HTR3B: variants seen among roughly 807,000 people sequenced by gnomAD.
HTR3B encodes the protein 5-hydroxytryptamine receptor 3B.
HTR3B carries 44 observed loss-of-function variants against 42.8 expected under a neutral mutation model. That is an observed-to-expected ratio of 1.03 (90% CI 0.81 to 1.32). HTR3B has a LOEUF of 1.32. Ranked by LOEUF, HTR3B falls within the 40% of genes most tolerant of loss-of-function variation. The pLI, the probability that HTR3B is intolerant of heterozygous loss-of-function variation, is 0.00. For synonymous variants in HTR3B, 203 were observed against 209.0 expected (o/e 0.97, Z 0.25); for missense variants, 527 against 536.5 (o/e 0.98, Z 0.17).
At chr11:113,908,559 C>T (rs975282304) in intron 1 of HTR3B, among the ~76,000 whole-genome samples, 1 of 152,186 alleles carries the variant, frequency 6.6e-6, no homozygotes, top group Admixed American at 6.5e-5. Flanking sequence ...TTTGTCACTT[C>T]CAATTGCTGG....
At chr11:113,937,185 C>T (rs774997109) in intron 6 of HTR3B, among the ~76,000 whole-genome samples, 2 of 152,182 alleles carry the variant, frequency 1.3e-5, no homozygotes, top group Non-Finnish European at 2.9e-5. Context: ...TCTCACTGAG[C>T]AGGTGACATG....
chr11:113,947,141 G>A lies in HTR3B; in HGVS notation c.*1004G>A, dbSNP rs1950187010. ...TTTTTTTGAGGCAGAGTCTTGCTCTGTCACCAGATTGGAGTGCAGTGGTGC... is the reference window on the plus strand; with the variant it reads ...TTTTTTTGAGGCAGAGTCTTGCTCTATCACCAGATTGGAGTGCAGTGGTGC... On this transcript the variant is annotated 3_prime_UTR_variant, in exon 9 of 9. Coordinates refer to ENST00000260191, the MANE Select transcript of HTR3B (RefSeq NM_006028.5). Among the ~76,000 whole-genome samples the A allele has an allele frequency of 6.7e-6, 1 of 149,974 alleles. No individual in the cohort carries two copies. The highest frequency in any genetic ancestry group is 2.5e-5 in the African/African-American group (1 of 40,638).
In HTR3B at chr11:113,946,079, T is replaced by A; in HGVS notation, c.1268T>A (p.Met423Lys). 1 of 1,575,324 alleles carries A rather than the reference T, an allele frequency of 6.3e-7. No individual in the cohort carries two copies. Among genetic ancestry groups the A allele is most frequent in the East Asian group, 2.3e-5 (1 of 43,672 alleles). The stretch of plus-strand genomic sequence containing the variant: ...CTGCTCTTCCAAAGCTACCTTTTCA[T>A]GCTGGGGATCTACACCATCACTCTG... ...DRLLFQSYLF[M>K]LGIYTITLCS... The change falls in exon 9 of 9, where the codon ATG becomes AAG. Residue 423 changes from methionine to lysine, a missense_variant. Transcript: ENST00000260191.
At chr11:113,942,800 A>AT (rs1000676391) in intron 6 of HTR3B, among the ~76,000 whole-genome samples, 182 bp from the exon 7 acceptor site, 120 of 152,212 alleles carry the variant, frequency 7.9e-4, no homozygotes, top group Admixed American at 4.2e-3. Context: ...AACTTAAAGG[A>AT]TTTTTTTCTC....
rs1196643325 is a variant in HTR3B at position 113,948,219 on chromosome 11, T to TTAGG, written c.*2083_*2086dup. Among the ~76,000 whole-genome samples the TTAGG allele has an allele frequency of 6.6e-6, 1 of 152,212 alleles. No homozygotes were observed. Among genetic ancestry groups the TTAGG allele is most frequent in the Non-Finnish European group, 1.5e-5 (1 of 68,048 alleles). On this transcript the variant is annotated 3_prime_UTR_variant, in exon 9 of 9. Coordinates refer to ENST00000260191, the MANE Select transcript of HTR3B (RefSeq NM_006028.5). ...GCCTCCTCTGCTTTGACGTGCTCAG[T>TTAGG]TAGGCATCACGGTCCTGATGTCACC...
chr11:113,925,846 CA>C (rs1257634541), intron 2 of HTR3B, among the ~76,000 whole-genome samples: 1 of 152,098 alleles, frequency 6.6e-6, no homozygotes, highest in African/African-American at 2.4e-5. Flanking sequence ...TTTATTAATA[CA>C]TTTTTTTAAA....
At chr11:113,939,263 A>G (rs1467809336) in intron 6 of HTR3B, among the ~76,000 whole-genome samples, 1 of 152,160 alleles carries the variant, frequency 6.6e-6, no homozygotes, top group Non-Finnish European at 1.5e-5. Context: ...CCTTGTCCCT[A>G]TGTCTTTTCC....
intron 2 of HTR3B, among the ~76,000 whole-genome samples, chr11:113,929,617 T>C (rs1297822028): frequency 2.0e-5 from 3 of 152,208 alleles, no homozygotes; most frequent in Admixed American, 6.5e-5. Context: ...ATATGGGTTT[T>C]GGGGGGACAC....
At chr11:113,899,768 A>C in the HTR3B span, among the ~76,000 whole-genome samples, 1 of 152,202 alleles carries the variant, frequency 6.6e-6, no homozygotes. Flanking sequence ...ACATCGGTCG[A>C]TCTAATAGGT....
At chr11:113,910,837 T>TC (rs1374578181) in intron 2 of HTR3B, among the ~76,000 whole-genome samples, 1 of 151,090 alleles carries the variant, frequency 6.6e-6, no homozygotes, top group African/African-American at 2.4e-5. Context: ...TCTTTTCTTT[T>TC]TTTTTTTTTT....
chr11:113,906,428 CT>C (rs1371460028), intron 1 of HTR3B, among the ~76,000 whole-genome samples: 1 of 152,126 alleles, frequency 6.6e-6, no homozygotes, highest in Non-Finnish European at 1.5e-5. Flanking sequence ...CTCAGTTTTC[CT>C]GTAAGCTAAC....
At chr11:113,931,903 A>G in intron 4 of HTR3B, 36 bp downstream of exon 4, 1 of 1,217,548 alleles carries the variant, frequency 8.2e-7, no homozygotes, top group Non-Finnish European at 1.2e-6. Flanking sequence ...TGGGGTTTAG[A>G]CTGCTTGGTA....
At chr11:113,908,596 C>G (rs1445913181) in intron 1 of HTR3B, among the ~76,000 whole-genome samples, 2 of 152,222 alleles carry the variant, frequency 1.3e-5, no homozygotes, top group African/African-American at 4.8e-5. Flanking sequence ...TTCCCTTCCT[C>G]TGGCCTCCCT....
At chr11:113,931,296 T>C (rs1468161244) in intron 2 of HTR3B, 88 bp from the exon 3 acceptor site, 1 of 949,414 alleles carries the variant, frequency 1.1e-6, no homozygotes, top group Non-Finnish European at 1.7e-6. Flanking sequence ...AGATTTGATT[T>C]TCTTCTTCTG....
At chr11:113,923,953 TG>T (rs1426432509) in intron 2 of HTR3B, among the ~76,000 whole-genome samples, 1 of 152,114 alleles carries the variant, frequency 6.6e-6, no homozygotes, top group Non-Finnish European at 1.5e-5. Context: ...GGCAAAGCAA[TG>T]GGCAAGAAGA....
intron 1 of HTR3B, 29 bp downstream of exon 1, chr11:113,905,014 A>G: frequency 6.7e-7 from 1 of 1,489,558 alleles, no homozygotes; most frequent in Non-Finnish European, 9.4e-7. Context: ...TTTACTAGGC[A>G]TTAAGGATTA....
the HTR3B span, among the ~76,000 whole-genome samples, chr11:113,899,607 C>T: frequency 6.6e-6 from 1 of 152,286 alleles, no homozygotes; most frequent in Admixed American, 6.5e-5. Context: ...GAACTAATTG[C>T]ATTTGCATAT....
At chr11:113,934,665 C>A (rs1448193705) in intron 6 of HTR3B, among the ~76,000 whole-genome samples, 2 of 151,780 alleles carry the variant, frequency 1.3e-5, no homozygotes, top group Admixed American at 1.3e-4. Flanking sequence ...GCTTTGGGCT[C>A]TTGCCTAGAA....
intron 7 of HTR3B, among the ~76,000 whole-genome samples, chr11:113,944,314 G>A (rs184021956): frequency 6.6e-5 from 10 of 152,216 alleles, no homozygotes; most frequent in Non-Finnish European, 5.9e-5. Flanking sequence ...CACCAAGTCC[G>A]GCCGTGAGGC....
Sources: gnomAD v4.1 joint callset for allele counts (sites outside exome capture counted in the v4.1 genomes callset) on GRCh38, gnomAD v4.1.1 for gene constraint, MANE v1.5 for transcripts, NCBI Gene and HGNC (gene_info 2026-07-23, HGNC 2026-07-21) for gene names.